TLK1: variants seen among roughly 807,000 people sequenced by gnomAD.
TLK1 encodes the protein serine/threonine-protein kinase tousled-like 1.
In TLK1, 24 loss-of-function variants were observed where a neutral mutation model predicts 105.3. That is an observed-to-expected ratio of 0.23 (90% confidence interval 0.17 to 0.32). The LOEUF (loss-of-function observed/expected upper bound fraction) is 0.32. Among genes scored for constraint, TLK1 ranks in the 10% least tolerant of loss-of-function variants. The pLI, the probability that TLK1 is intolerant of heterozygous loss-of-function variation, is 1.00. For missense variants in TLK1, 558 were observed against 910.5 expected, an observed-to-expected ratio of 0.61 and a Z score of 4.98; for synonymous variants, 321 against 310.4, an observed-to-expected ratio of 1.03 and a Z score of -0.36.
rs908748763 is a variant in TLK1, at chr2:171,064,972, A to C, written c.331-3816T>G. Among the ~76,000 whole-genome samples, 6 of 152,346 alleles carry C rather than the reference A, an allele frequency of 3.9e-5. No homozygotes were observed. In the East Asian group the frequency reaches 1.2e-3, roughly 29 times the overall value. Reference sequence around the variant, plus strand: ...TCCAATTTTACTTGGAACTTAGGTCAGTGATTATTAATCAAGGTTTTTATA... The same window carrying C: ...TCCAATTTTACTTGGAACTTAGGTCCGTGATTATTAATCAAGGTTTTTATA... On this transcript the variant is annotated intron_variant, in intron 3 of 20. Coordinates refer to ENST00000431350, the MANE Select transcript of TLK1 (RefSeq NM_012290.5).
At chr2:171,006,040 C>A in intron 18 of TLK1, 107 bp downstream of exon 18, 1 of 1,174,938 alleles carries the variant, frequency 8.5e-7, no homozygotes, top group East Asian at 2.5e-5. Context: ...GTACCTTTAC[C>A]ACAGTAATCT....
chr2:171,082,058 A>C (rs964906696), intron 3 of TLK1, among the ~76,000 whole-genome samples: 3 of 132,744 alleles, frequency 2.3e-5, no homozygotes, highest in African/African-American at 6.0e-5. Flanking sequence ...CACACACACA[A>C]GTGACAGACC....
chr2:171,015,003 A>G, intron 12 of TLK1, 55 bp from the exon 13 acceptor site: 1 of 1,331,544 alleles, frequency 7.5e-7, no homozygotes, highest in South Asian at 1.2e-5. Context: ...GATATAAAAA[A>G]GATATTTTTA....
At chr2:171,025,391 C>T (rs1685725927) in intron 12 of TLK1, among the ~76,000 whole-genome samples, 1 of 152,118 alleles carries the variant, frequency 6.6e-6, no homozygotes, top group Non-Finnish European at 1.5e-5. Flanking sequence ...AACTTTGGTC[C>T]TTCAGTGCTA....
chr2:171,140,830 C>G (rs1691542717), intron 1 of TLK1, among the ~76,000 whole-genome samples: 1 of 152,098 alleles, frequency 6.6e-6, no homozygotes, highest in African/African-American at 2.4e-5. Flanking sequence ...CCAAAGGTAT[C>G]TAGATAATTA....
chr2:171,160,972 G>GGCGGCGGCGGCGGCGGCGGCA (rs1205479380), upstream of TLK1: 4 of 197,402 alleles, frequency 2.0e-5, no homozygotes, highest in Non-Finnish European at 2.9e-5. This position sits in a 1 kb window ranked among gnomAD's most constrained non-coding sequence, Gnocchi z 4.4. Context: ...CGGTAGCGGC[G>GGCGGCGGCGGCGGCGGCGGCA]GCGGCGGCGG....
At chr2:171,131,076 T>C (rs897595908) in intron 1 of TLK1, among the ~76,000 whole-genome samples, 4 of 151,852 alleles carry the variant, frequency 2.6e-5, no homozygotes, top group Non-Finnish European at 4.4e-5. Context: ...TTTGTATCTA[T>C]ATATATAGAT....
intron 2 of TLK1, among the ~76,000 whole-genome samples, chr2:171,092,191 TC>T (rs1279660959): frequency 6.6e-6 from 1 of 152,164 alleles, no homozygotes; most frequent in Non-Finnish European, 1.5e-5. Flanking sequence ...TAACTTCCCT[TC>T]TTTGCTCAAG....
chr2:171,028,509 CT>C, intron 11 of TLK1, 104 bp from the exon 12 acceptor site: 1 of 757,348 alleles, frequency 1.3e-6, no homozygotes. Context: ...ATGTGGACAA[CT>C]TTAAGCCCAA....
At position 171,160,243 on chromosome 2, in the gene TLK1, C is replaced by A; in HGVS notation, c.139+47G>T. 7.3e-7 allele frequency: 1 copy of A among 1,365,330 alleles called. No individual in the cohort carries two copies. The highest frequency in any genetic ancestry group is 9.4e-7 in the Non-Finnish European group (1 of 1,060,396). 84.6% of individuals were successfully genotyped at this position (1,365,330 alleles called of 1,614,324 possible). On this transcript the variant is annotated intron_variant, in intron 1 of 20. Transcript: ENST00000431350. This position sits in a 1 kb window ranked among gnomAD's most constrained non-coding sequence, Gnocchi z 4.4. ...GGGGGGGGGGCGCGGGGGTCCGCGG[C>A]GCGGGAGAGGAGGCCCGCGAGCGGG...
chr2:171,123,972 T>C (rs1209081972), intron 1 of TLK1, among the ~76,000 whole-genome samples: 2 of 152,238 alleles, frequency 1.3e-5, no homozygotes, highest in South Asian at 2.1e-4. Flanking sequence ...CAGTTATCCA[T>C]TGGTTCTTCA....
At chr2:171,102,082 CAT>C (rs1689716648) in intron 2 of TLK1, among the ~76,000 whole-genome samples, 1 of 152,168 alleles carries the variant, frequency 6.6e-6, no homozygotes, top group South Asian at 2.1e-4. Context: ...TCAAAGATAA[CAT>C]TATACAGACT....
intron 1 of TLK1, among the ~76,000 whole-genome samples, chr2:171,129,389 G>C (rs1002558938): frequency 2.6e-5 from 4 of 152,072 alleles, no homozygotes; most frequent in Non-Finnish European, 5.9e-5. Context: ...AATAATACAG[G>C]GTGAAAGAAG....
intron 1 of TLK1, among the ~76,000 whole-genome samples, chr2:171,221,917 T>C (rs967930553): frequency 6.6e-6 from 1 of 152,198 alleles, no homozygotes; most frequent in African/African-American, 2.4e-5. Flanking sequence ...TACAGTCACA[T>C]GGGGGGTTAG....
chr2:171,194,745 A>G (rs1693230404), intron 1 of TLK1, among the ~76,000 whole-genome samples: 1 of 144,280 alleles, frequency 6.9e-6, no homozygotes, highest in South Asian at 2.3e-4. Flanking sequence ...TGAACCTGGG[A>G]GGCGGAGCTT....
At chr2:171,131,190 G>A (rs571550076) in intron 1 of TLK1, among the ~76,000 whole-genome samples, 2 of 152,182 alleles carry the variant, frequency 1.3e-5, no homozygotes, top group East Asian at 3.9e-4. Context: ...AAATTTGAAT[G>A]AAGGATGAAA....
chr2:171,018,015 G>A (rs1359165048), intron 12 of TLK1, among the ~76,000 whole-genome samples: 1 of 152,198 alleles, frequency 6.6e-6, no homozygotes, highest in Non-Finnish European at 1.5e-5. Context: ...TACATATATT[G>A]TGATGGGCTG....
chr2:171,169,733 G>C (rs1692690853), intron 1 of TLK1, among the ~76,000 whole-genome samples: 1 of 152,128 alleles, frequency 6.6e-6, no homozygotes. Flanking sequence ...TCAAATGACT[G>C]AGTTTATTAC....
At chr2:171,167,406 C>T (rs1379579181) in intron 1 of TLK1, among the ~76,000 whole-genome samples, 6 of 152,172 alleles carry the variant, frequency 3.9e-5, no homozygotes, top group Admixed American at 3.9e-4. Flanking sequence ...GCCTACCCTG[C>T]AATCTCAACA....
Sources: gnomAD v4.1 joint callset for allele counts (sites outside exome capture counted in the v4.1 genomes callset) on GRCh38, gnomAD v4.1.1 for gene constraint, Gnocchi (gnomAD v3.1) non-coding constraint, MANE v1.5 for transcripts, NCBI Gene and HGNC (gene_info 2026-07-23, HGNC 2026-07-21) for gene names.